RIF1: variants seen among roughly 807,000 people sequenced by gnomAD.
RIF1 encodes the protein telomere-associated protein RIF1.
A neutral mutation model predicts 247.1 loss-of-function variants in RIF1; 45 were observed. That is an observed-to-expected ratio of 0.18 (90% CI 0.14 to 0.23). RIF1 has a LOEUF of 0.23. Among genes scored for constraint, RIF1 ranks in the 10% least tolerant of loss-of-function variants. The probability of loss-of-function intolerance (pLI) is 1.00; values close to 1 mark genes in which losing one functional copy is unlikely to be tolerated. For missense variants in RIF1, 2,967 were observed against 2,862.5 expected (o/e 1.04, Z -0.83); for synonymous variants, 1,087 against 978.8 (o/e 1.11, Z -2.06).
rs758961960 is a variant in RIF1 at position 151,461,129 on chromosome 2, A to C, written c.3076-9A>C. 5.6e-6 allele frequency: 9 copies of C among 1,598,562 alleles called. No individual in the cohort carries two copies. The highest frequency in any genetic ancestry group is 2.3e-5 in the South Asian group (2 of 87,224). ...AAATGTACATTTGCTTATTTTTTCA[A>C]ATCTGCAGCTGAAACTTGAATCTTC... On this transcript the variant is annotated splice_polypyrimidine_tract_variant and intron_variant, in intron 26 of 35. Transcript: ENST00000444746.
chr2:151,461,115 T>A (rs1207877360), intron 26 of RIF1, 23 bp from the exon 27 acceptor site: 4 of 1,596,970 alleles, frequency 2.5e-6, no homozygotes, highest in Non-Finnish European at 3.4e-6. Flanking sequence ...AATGTACATT[T>A]GCTTATTTTT....
chr2:151,418,810 G>A (rs1249271370), intron 6 of RIF1, among the ~76,000 whole-genome samples: 1 of 152,000 alleles, frequency 6.6e-6, no homozygotes. Flanking sequence ...GGGAGGCAGA[G>A]GTTGCAGTGA....
rs371783915 is a variant in RIF1 at position 151,490,503 on chromosome 2, C to T, written c.*416-4726C>T. ...GGCAGATCGTGACTGCTCCCGGCTC[C>T]GGCGCTGAGCTTGGACTGGGAGAGA... On this transcript the variant is annotated intron_variant and NMD_transcript_variant, in intron 9 of 13. Transcript: ENST00000454583. 24 of 1,608,978 alleles carry T rather than the reference C, an allele frequency of 1.5e-5. 1 individual carries two copies. The highest frequency in any genetic ancestry group is 6.7e-5 in the East Asian group (3 of 44,736).
At position 151,463,192 on chromosome 2, in the gene RIF1, G is replaced by A; in HGVS notation, c.3672G>A (p.Leu1224=). 1 of 1,614,090 alleles carries A rather than the reference G, an allele frequency of 6.2e-7. No homozygotes were observed. Among genetic ancestry groups the A allele is most frequent in the South Asian group, 1.1e-5 (1 of 91,078 alleles). ...GTCGGAGGCAAACCTTTATTACTTT[G>A]GAGAAGTTTGATGGTTCAGAAAATA... ...PTSRRQTFIT[L]EKFDGSENRP... is the part of the protein sequence containing the mutation. The change falls in exon 30 of 36, where the codon TTG becomes TTA. Residue 1224 remains leucine (L), a synonymous_variant. Coordinates refer to ENST00000444746, the MANE Select transcript of RIF1 (RefSeq NM_018151.5).
At chr2:151,524,193 T>C in the RIF1 span, 1 of 817,230 alleles carries the variant, frequency 1.2e-6, no homozygotes, top group Admixed American at 2.3e-5. Context: ...TTGGAAGCTT[T>C]GCAGTACTAT....
intron 13 of RIF1, chr2:151,507,163 A>T (rs116670236): frequency 3.5e-5 from 20 of 570,420 alleles, no homozygotes; most frequent in Non-Finnish European, 4.9e-5. Flanking sequence ...AAGGGAAATT[A>T]TTTGATAAGA....
intron 9 of RIF1, chr2:151,492,189 C>A (rs1191965245): frequency 6.2e-7 from 1 of 1,613,902 alleles, no homozygotes; most frequent in Non-Finnish European, 8.5e-7. Context: ...CACTGAAGTC[C>A]TGCATGTTCT....
chr2:151,438,828 T>C, intron 14 of RIF1, 82 bp downstream of exon 14: 1 of 812,098 alleles, frequency 1.2e-6, no homozygotes, highest in Non-Finnish European at 2.1e-6. Flanking sequence ...GGTGAATTGT[T>C]TGACTATATA....
intron 16 of RIF1, among the ~76,000 whole-genome samples, chr2:151,442,933 G>C (rs988051477): frequency 2.6e-5 from 4 of 151,610 alleles, no homozygotes; most frequent in Non-Finnish European, 5.9e-5. Context: ...CACCCTGCCC[G>C]GCTAGTTTTT....
intron 10 of RIF1, among the ~76,000 whole-genome samples, chr2:151,435,067 G>A (rs1690912892): frequency 6.6e-6 from 1 of 152,014 alleles, no homozygotes; most frequent in African/African-American, 2.4e-5. Context: ...CATTATAAGG[G>A]TCCAATAGGC....
chr2:151,507,001 A>G, intron 13 of RIF1: 1 of 1,594,768 alleles, frequency 6.3e-7, no homozygotes, highest in Non-Finnish European at 8.6e-7. Context: ...TTAAGGTCAC[A>G]CTGGTATTGG....
In RIF1 at chr2:151,420,231, T is replaced by C; in HGVS notation, c.545T>C (p.Val182Ala). 6.2e-7 allele frequency: 1 copy of C among 1,614,002 alleles called. No individual in the cohort carries two copies. Among genetic ancestry groups the C allele is most frequent in the Non-Finnish European group, 8.5e-7 (1 of 1,179,986 alleles). Residue 182 changes from valine (V) to alanine (A), a missense_variant, in exon 7 of 36, where the codon GTG becomes GCG. By Grantham distance (64) the Val-to-Ala change is moderately conservative. This residue lies in a region of RIF1 where 269 missense variants were observed against 288.6 expected (regional missense o/e 0.93). Coordinates refer to ENST00000444746, the MANE Select transcript of RIF1 (RefSeq NM_018151.5). ...QAPIQMGEEA[V>A]RWAKLVIPLV... ...CCAATTCAAATGGGAGAAGAGGCAGTGAGGTGGGCAAAACTGGTCATACCT... is the reference window on the plus strand; with the variant it reads ...CCAATTCAAATGGGAGAAGAGGCAGCGAGGTGGGCAAAACTGGTCATACCT...
chr2:151,415,851 T>C (rs1687133626), intron 4 of RIF1, among the ~76,000 whole-genome samples: 2 of 152,092 alleles, frequency 1.3e-5, no homozygotes, highest in South Asian at 4.2e-4. Flanking sequence ...CACTCCAGCC[T>C]GGGCAAGAGT....
chr2:151,494,839 G>C (rs1026762159), intron 9 of RIF1: 1 of 152,494 alleles, frequency 6.6e-6, no homozygotes, highest in Admixed American at 6.6e-5. Flanking sequence ...TAGTAGAGAC[G>C]GGGTTTCACT....
intron 12 of RIF1, chr2:151,505,608 C>T (rs761650574): frequency 6.7e-7 from 1 of 1,487,986 alleles, no homozygotes; most frequent in Non-Finnish European, 9.4e-7. Context: ...GGTATTATTA[C>T]ATGCTGGACT....
intron 22 of RIF1, among the ~76,000 whole-genome samples, chr2:151,456,060 A>G (rs1695144091): frequency 6.6e-6 from 1 of 152,100 alleles, no homozygotes; most frequent in Non-Finnish European, 1.5e-5. Flanking sequence ...CTTTATTTGA[A>G]TCGAAGCAAG....
chr2:151,416,124 G>A (rs1206663335), intron 4 of RIF1, among the ~76,000 whole-genome samples: 2 of 152,202 alleles, frequency 1.3e-5, no homozygotes, highest in Non-Finnish European at 2.9e-5. Context: ...TTTAGAGAAG[G>A]GAAGTTAGGA....
intron 9 of RIF1, chr2:151,490,291 T>C: frequency 2.0e-6 from 3 of 1,493,334 alleles, no homozygotes; most frequent in Non-Finnish European, 2.7e-6. Flanking sequence ...AAATTTGTTT[T>C]TGTACTCAAA....
Position 151,411,317 on chromosome 2 carries a change from T to G in RIF1, c.162T>G (p.Pro54=). ...EVITEIEKKL[P]RLYKVLKTHI... The stretch of plus-strand genomic sequence containing the variant: ...TTACAGAAATTGAGAAAAAACTTCC[T>G]CGGCTGTACAAAGTTTTAAAGGTAT... Residue 54 remains proline, a synonymous_variant, in exon 3 of 36, where the codon CCT becomes CCG. Coordinates refer to ENST00000444746, the MANE Select transcript of RIF1 (RefSeq NM_018151.5). The G allele has an allele frequency of 6.3e-7, 1 of 1,598,644 alleles. No individual in the cohort carries two copies. The highest frequency in any genetic ancestry group is 8.6e-7 in the Non-Finnish European group (1 of 1,168,756).
Sources: gnomAD v4.1 joint callset for allele counts (sites outside exome capture counted in the v4.1 genomes callset) on GRCh38, gnomAD v4.1.1 for gene constraint, gnomAD v4.1.1 regional missense constraint, MANE v1.5 for transcripts, NCBI Gene and HGNC (gene_info 2026-07-23, HGNC 2026-07-21) for gene names.